SLC25A42: variants seen among roughly 807,000 people sequenced by gnomAD.
SLC25A42 encodes the protein solute carrier family 25 member 42, also known as mitochondrial coenzyme A transporter SLC25A42.
SLC25A42 carries 19 observed loss-of-function variants against 34.7 expected under a neutral mutation model. The ratio of observed to expected loss-of-function variants is 0.55; its 90% CI spans 0.38 to 0.80. The LOEUF (loss-of-function observed/expected upper bound fraction) is 0.80. Ranked by LOEUF, SLC25A42 falls within the 30% of genes least tolerant of loss-of-function variation. The pLI is 0.00. For missense variants in SLC25A42, 364 were observed against 441.3 expected (o/e 0.82, Z 1.57); for synonymous variants, 205 against 191.2 (o/e 1.07, Z -0.59).
At chr19:19,108,324 G>A (rs2059845167) in intron 7 of SLC25A42, among the ~76,000 whole-genome samples, 1 of 152,208 alleles carries the variant, frequency 6.6e-6, no homozygotes, top group Non-Finnish European at 1.5e-5. Flanking sequence ...GCCGAGGTGG[G>A]CGGATCACTT....
At chr19:19,101,565 C>T (rs1244247565) in intron 2 of SLC25A42, among the ~76,000 whole-genome samples, 1 of 152,180 alleles carries the variant, frequency 6.6e-6, no homozygotes, top group East Asian at 1.9e-4. Context: ...GTGGATGGTA[C>T]CTGTCATCTT....
intron 1 of SLC25A42, among the ~76,000 whole-genome samples, chr19:19,067,444 C>T (rs933886635): frequency 1.3e-5 from 2 of 151,678 alleles, no homozygotes; most frequent in Admixed American, 6.6e-5. Context: ...ATTAGCCGGG[C>T]GTGGTGGCGT....
At chr19:19,091,657 A>G (rs1249435263) in intron 1 of SLC25A42, among the ~76,000 whole-genome samples, 1 of 152,104 alleles carries the variant, frequency 6.6e-6, no homozygotes, top group Non-Finnish European at 1.5e-5. Flanking sequence ...CAGGAGGACC[A>G]CTTGAGCCCA....
intron 1 of SLC25A42, among the ~76,000 whole-genome samples, chr19:19,076,745 G>A (rs2059657654): frequency 6.6e-6 from 1 of 152,186 alleles, no homozygotes; most frequent in Non-Finnish European, 1.5e-5. Flanking sequence ...GAATTTTTAT[G>A]TATATATGCA....
chr19:19,080,974 G>A (rs1238928392), intron 1 of SLC25A42, among the ~76,000 whole-genome samples: 1 of 150,806 alleles, frequency 6.6e-6, no homozygotes. Context: ...AACCAGGCAT[G>A]GTGGTACACA....
chr19:19,109,901 C>T lies in SLC25A42; in HGVS notation c.650-668C>T, dbSNP rs1298774396. ...CTTATGTCCACTCTGTGCAACAGCT[C>T]GCAGGGGCTCCCCAGGGAGGGCGCA... On this transcript the variant is annotated intron_variant, in intron 7 of 7. Transcript: ENST00000318596. This position sits in a 1 kb window ranked among gnomAD's most constrained non-coding sequence, Gnocchi z 4.1. Among the ~76,000 whole-genome samples the T allele has an allele frequency of 1.3e-5, 2 of 152,176 alleles. No homozygotes were observed. Among genetic ancestry groups the T allele is most frequent in the Admixed American group, 6.5e-5 (1 of 15,272 alleles).
intron 2 of SLC25A42, among the ~76,000 whole-genome samples, chr19:19,100,999 G>A (rs1279409757): frequency 6.6e-6 from 1 of 152,122 alleles, no homozygotes; most frequent in Non-Finnish European, 1.5e-5. Flanking sequence ...TTTCCAGAAT[G>A]CTCTCTGCCA....
At position 19,110,712 on chromosome 19, in the gene SLC25A42, G is replaced by A. The variant is rs533458331; in HGVS notation, c.793G>A (p.Ala265Thr). ...QTAGVTGYPR[A>T]SIARTLRTIV... ...GGCCGGCGTCACGGGCTACCCGCGC[G>A]CCTCCATCGCCCGCACGCTGCGCAC... Residue 265 changes from alanine to threonine, a missense_variant, in exon 8 of 8, where the codon GCC (alanine) becomes ACC (threonine). Transcript: ENST00000318596. The A allele has an allele frequency of 5.9e-5, 95 of 1,600,526 alleles. 1 individual carries two copies. The South Asian group carries it at 1.0e-3, about 17-fold the overall frequency.
chr19:19,075,627 C>T (rs1599666838), intron 1 of SLC25A42, among the ~76,000 whole-genome samples: 1 of 152,176 alleles, frequency 6.6e-6, no homozygotes, highest in African/African-American at 2.4e-5. Flanking sequence ...TACGAGGTAC[C>T]TACCCCAGCA....
At chr19:19,066,142 CCA>C (rs1472667563) in intron 1 of SLC25A42, among the ~76,000 whole-genome samples, 2 of 152,200 alleles carry the variant, frequency 1.3e-5, no homozygotes, top group Non-Finnish European at 2.9e-5. Context: ...CAGGCGTGAG[CCA>C]CCACACCCGG....
intron 1 of SLC25A42, among the ~76,000 whole-genome samples, chr19:19,085,993 C>T (rs2059706388): frequency 6.6e-6 from 1 of 152,210 alleles, no homozygotes; most frequent in South Asian, 2.1e-4. Context: ...AGTCACCCTC[C>T]ACAGTACGCC....
At chr19:19,068,140 G>A (rs1407361080) in intron 1 of SLC25A42, among the ~76,000 whole-genome samples, 1 of 151,492 alleles carries the variant, frequency 6.6e-6, no homozygotes, top group South Asian at 2.1e-4. Context: ...CAGATCATGA[G>A]GTCAGGAGTT....
intron 4 of SLC25A42, 96 bp downstream of exon 4, chr19:19,105,034 G>C: frequency 7.1e-7 from 1 of 1,412,550 alleles, no homozygotes; most frequent in Non-Finnish European, 1.0e-6. Context: ...GAGTCTCAGG[G>C]GTGGGGACAG....
At chr19:19,104,230 G>C (rs1036093829) in intron 3 of SLC25A42, among the ~76,000 whole-genome samples, 1 of 152,146 alleles carries the variant, frequency 6.6e-6, no homozygotes, top group African/African-American at 2.4e-5. Context: ...GCCCCTTTAA[G>C]TGCGCATGAG....
At position 19,102,261 on chromosome 19, in the gene SLC25A42, G is replaced by A. The variant is rs112116186; in HGVS notation, c.187+375G>A. ...CCTGACCTCGTAATCCGCCCGCCTC[G>A]GCCTCCCAAAGTGCTGGGATTACAG... On this transcript the variant is annotated intron_variant, in intron 3 of 7. Coordinates refer to ENST00000318596, the MANE Select transcript of SLC25A42 (RefSeq NM_178526.5). Among the ~76,000 whole-genome samples the A allele has an allele frequency of 2.1e-4, 32 of 151,614 alleles. 1 individual carries two copies. In the East Asian group the frequency reaches 2.2e-3, roughly 10 times the overall value.
rs1164992362 is a variant in SLC25A42, at chr19:19,081,768, T to A, written c.-34-14323T>A. Among the ~76,000 whole-genome samples, 1 of 152,172 alleles carries A rather than the reference T, an allele frequency of 6.6e-6. No homozygotes were observed. Among genetic ancestry groups the A allele is most frequent in the Non-Finnish European group, 1.5e-5 (1 of 68,016 alleles). On this transcript the variant is annotated intron_variant, in intron 1 of 7. Transcript: ENST00000318596. The surrounding 1 kb of genome is among the most constrained non-coding windows in gnomAD (Gnocchi z 4.5). ...CGCTGTCACCCGAGTGGTCCCGTGG[T>A]GTCCTCTGGCTTCCTTGCCTCACTG...
At chr19:19,087,447 C>A (rs764638469) in intron 1 of SLC25A42, among the ~76,000 whole-genome samples, 12 of 152,168 alleles carry the variant, frequency 7.9e-5, no homozygotes, top group Non-Finnish European at 1.8e-4. Flanking sequence ...ACCACCACAC[C>A]CAGCTGATTT....
chr19:19,092,657 G>A (rs1434070555), intron 1 of SLC25A42, among the ~76,000 whole-genome samples: 1 of 152,214 alleles, frequency 6.6e-6, no homozygotes, highest in South Asian at 2.1e-4. Flanking sequence ...GACCCCCTTC[G>A]GCCAGGACCC....
intron 1 of SLC25A42, among the ~76,000 whole-genome samples, chr19:19,073,372 A>G (rs2059640052): frequency 6.6e-6 from 1 of 152,220 alleles, no homozygotes; most frequent in Non-Finnish European, 1.5e-5. Context: ...TGCTCAGTGC[A>G]GGGCAGAGCA....
Sources: gnomAD v4.1 joint callset for allele counts (sites outside exome capture counted in the v4.1 genomes callset) on GRCh38, gnomAD v4.1.1 for gene constraint, Gnocchi (gnomAD v3.1) non-coding constraint, MANE v1.5 for transcripts, NCBI Gene and HGNC (gene_info 2026-07-23, HGNC 2026-07-21) for gene names.